The following SEC14L1 variants were observed in gnomAD, a reference collection of about 807,000 sequenced individuals.
SEC14L1 encodes the protein SEC14 like lipid binding 1, also known as SEC14-like protein 1.
SEC14L1 carries 48 observed loss-of-function variants against 85.3 expected under a neutral mutation model. The observed-to-expected ratio is 0.56, with a 90% confidence interval of 0.45 to 0.72. The LOEUF (loss-of-function observed/expected upper bound fraction) is 0.72, where lower values mean the gene tolerates loss of function less well. Ranked by LOEUF, SEC14L1 falls within the 30% of genes least tolerant of loss-of-function variation. SEC14L1 has a pLI of 0.00. For missense variants in SEC14L1, 682 were observed against 921.4 expected (o/e 0.74, Z 3.36); for synonymous variants, 391 against 355.5 (o/e 1.10, Z -1.12).
intron 3 of SEC14L1, among the ~76,000 whole-genome samples, chr17:77,133,768 G>A (rs939295609): frequency 1.1e-4 from 16 of 151,676 alleles, no homozygotes; most frequent in Admixed American, 1.3e-4. Context: ...GAGAAACCCC[G>A]TCTCTACTAA....
intron 9 of SEC14L1, among the ~76,000 whole-genome samples, chr17:77,201,481 C>T (rs192239346): frequency 9.7e-4 from 141 of 146,084 alleles, no homozygotes; most frequent in African/African-American, 3.2e-3. Context: ...GACAGAGTCT[C>T]GCTCTGTCCC....
rs766389964 is a variant in SEC14L1 at position 77,194,699 on chromosome 17, A to G, written c.497A>G (p.Tyr166Cys). The G allele has an allele frequency of 6.2e-7, 1 of 1,614,070 alleles. No individual in the cohort carries two copies. The highest frequency in any genetic ancestry group is 8.5e-7 in the Non-Finnish European group (1 of 1,179,882). The change falls in exon 7 of 17, where the codon TAC (tyrosine) becomes TGC (cysteine). Residue 166 changes from tyrosine (Y) to cysteine (C), a missense_variant. By Grantham distance (194) the Tyr-to-Cys change is radical. Around this residue, in one of 3 missense-constraint regions of SEC14L1, gnomAD observed 123 missense variants for 100.6 expected, o/e 1.22. Transcript: ENST00000436233. ...AAGGGAAAGGAAATCATCGAATACT[A>G]CCTTCGCCAATTAGAAGAAGAAGGC... The part of the protein sequence containing the change: ...IKKGKEIIEY[Y>C]LRQLEEEGIT...
intron 3 of SEC14L1, among the ~76,000 whole-genome samples, chr17:77,098,093 A>G (rs909339514): frequency 1.3e-5 from 2 of 152,178 alleles, no homozygotes; most frequent in Non-Finnish European, 2.9e-5. Context: ...ACATGGAGGA[A>G]AGTGTGGGAC....
chr17:77,099,830 C>T (rs965428945), intron 3 of SEC14L1, among the ~76,000 whole-genome samples: 3 of 152,094 alleles, frequency 2.0e-5, no homozygotes, highest in Admixed American at 6.5e-5. Flanking sequence ...GATACTTCAC[C>T]CCTTCGAAAG....
At chr17:77,180,816 A>G (rs549621630) in intron 3 of SEC14L1, among the ~76,000 whole-genome samples, 1 of 152,168 alleles carries the variant, frequency 6.6e-6, no homozygotes, top group Admixed American at 6.5e-5. Flanking sequence ...TCAAGTTTTT[A>G]TGAATTTTAG....
rs1567939827 is a variant in SEC14L1 at position 77,213,452 on chromosome 17, G to C, written c.2002G>C (p.Val668Leu). ...GCAGGTCTCTTCGCACAAGTGTAAA[G>C]TGATGTACTACACCGAGGTGATCGG... is the stretch of plus-strand genomic sequence containing the variant. The part of the protein sequence containing the change: ...SLQVSSHKCK[V>L]MYYTEVIGSE... The change falls in exon 16 of 17, where the codon GTG becomes CTG. Residue 668 changes from valine to leucine, a missense_variant. Around this residue, in one of 3 missense-constraint regions of SEC14L1, gnomAD observed 420 missense variants for 619.5 expected, o/e 0.68. Transcript: ENST00000436233. This position sits in a 1 kb window ranked among gnomAD's most constrained non-coding sequence, Gnocchi z 7.1. 2.5e-6 allele frequency: 4 copies of C among 1,612,340 alleles called. No homozygotes were observed. Among genetic ancestry groups the C allele is most frequent in the South Asian group, 2.2e-5 (2 of 91,096 alleles).
intron 3 of SEC14L1, among the ~76,000 whole-genome samples, chr17:77,148,461 C>T (rs1343855460): frequency 2.6e-5 from 4 of 152,184 alleles, no homozygotes; most frequent in Non-Finnish European, 5.9e-5. Context: ...CCGTTTCTGT[C>T]TGGGCTTATT....
intron 3 of SEC14L1, among the ~76,000 whole-genome samples, chr17:77,180,222 A>G (rs1350746732): frequency 6.3e-5 from 9 of 143,384 alleles, no homozygotes; most frequent in East Asian, 2.1e-4. Context: ...TCCTGCCTCA[A>G]CCTCTCGAGT....
At chr17:77,122,665 C>T (rs992762379) in intron 3 of SEC14L1, among the ~76,000 whole-genome samples, 3 of 152,204 alleles carry the variant, frequency 2.0e-5, no homozygotes, top group East Asian at 3.8e-4. Flanking sequence ...CGTGTGCTCT[C>T]GTTGCTTGTA....
intron 3 of SEC14L1, chr17:77,093,376 A>AT (rs1444847122): frequency 6.6e-6 from 1 of 152,090 alleles, no homozygotes; most frequent in Non-Finnish European, 1.5e-5. Flanking sequence ...TTGACCACAT[A>AT]TTTTTTGAAT....
At chr17:77,207,019 G>A (rs1976495502) in intron 13 of SEC14L1, among the ~76,000 whole-genome samples, 157 bp downstream of exon 13, 1 of 152,186 alleles carries the variant, frequency 6.6e-6, no homozygotes, top group Non-Finnish European at 1.5e-5. Flanking sequence ...CCAGGGTTAA[G>A]CTAAAGAGAA....
intron 3 of SEC14L1, among the ~76,000 whole-genome samples, chr17:77,108,130 C>T (rs1971960505): frequency 6.6e-6 from 1 of 152,054 alleles, no homozygotes; most frequent in South Asian, 2.1e-4. Context: ...CTTAGATTCT[C>T]CCCATTTGAG....
rs1976070067 is a variant in SEC14L1 at position 77,200,390 on chromosome 17, A to T, written c.820-94A>T. 9.4e-6 allele frequency: 9 copies of T among 955,036 alleles called. No individual in the cohort carries two copies. The South Asian group carries it at 1.4e-4, about 15-fold the overall frequency. 59.2% of individuals were successfully genotyped at this position (955,036 alleles called of 1,614,324 possible). A position where few individuals can be genotyped will look rare whatever the true frequency, so the allele number is the denominator to read the frequency against. On this transcript the variant is annotated intron_variant, in intron 8 of 16. Coordinates refer to ENST00000436233, the MANE Select transcript of SEC14L1 (RefSeq NM_001143998.2). ...CACCATATTGGCCAGGCTGGTCTTG[A>T]ACTCCTGAGCTCAAGCGATCCGTCC... is the stretch of plus-strand genomic sequence containing the variant.
chr17:77,143,283 A>G (rs1283658573), intron 2 of SEC14L1, among the ~76,000 whole-genome samples: 1 of 152,232 alleles, frequency 6.6e-6, no homozygotes, highest in Admixed American at 6.5e-5. Flanking sequence ...CAGGTCATGT[A>G]ATGAATGCAG....
chr17:77,137,713 C>T (rs1187360357), upstream of SEC14L1, among the ~76,000 whole-genome samples: 3 of 152,194 alleles, frequency 2.0e-5, no homozygotes, highest in Non-Finnish European at 2.9e-5. Context: ...GATTCTTGTT[C>T]AGGAATATTA....
chr17:77,210,974 C>T (rs1321193671), intron 14 of SEC14L1: 2 of 152,284 alleles, frequency 1.3e-5, no homozygotes, highest in East Asian at 3.8e-4. Flanking sequence ...TCCGTCAGCA[C>T]AGGGGGCCGA....
chr17:77,158,781 T>C (rs1217692066), intron 3 of SEC14L1, among the ~76,000 whole-genome samples: 1 of 148,798 alleles, frequency 6.7e-6, no homozygotes, highest in African/African-American at 2.5e-5. Flanking sequence ...TTCAATTACA[T>C]TTTATAGCTT....
At chr17:77,153,113 G>A (rs1323291958) in intron 3 of SEC14L1, among the ~76,000 whole-genome samples, 2 of 152,258 alleles carry the variant, frequency 1.3e-5, no homozygotes, top group African/African-American at 4.8e-5. Context: ...CGTCACCCAG[G>A]CTGGAGTGCA....
At chr17:77,101,518 C>A (rs1264402099) in intron 3 of SEC14L1, among the ~76,000 whole-genome samples, 1 of 152,130 alleles carries the variant, frequency 6.6e-6, no homozygotes, top group East Asian at 1.9e-4. Flanking sequence ...ATGGTTAAAT[C>A]CCTGTCTTGG....
Sources: allele counts gnomAD v4.1 joint callset (sites outside exome capture counted in the v4.1 genomes callset), GRCh38; gene constraint gnomAD v4.1.1; regional missense constraint gnomAD v4.1.1; non-coding constraint Gnocchi (gnomAD v3.1); transcripts MANE v1.5; gene names NCBI Gene and HGNC (gene_info 2026-07-23, HGNC 2026-07-21).